Variants in GARIN2 observed in about 807,000 individuals in gnomAD.
GARIN2 encodes Golgi-associated RAB2 interactor protein 2.
At chr14:67,197,513 T>C in the GARIN2 span, among the ~76,000 whole-genome samples, 2 of 152,148 alleles carry the variant, frequency 1.3e-5, no homozygotes, top group African/African-American at 4.8e-5. Flanking sequence ...AGACTTAATA[T>C]ACTGAAGATG....
At chr14:67,204,890 C>A in the GARIN2 span, 1 of 1,613,962 alleles carries the variant, frequency 6.2e-7, no homozygotes, top group Non-Finnish European at 8.5e-7. Context: ...CCAGAATTCA[C>A]AGACATCACC....
At chr14:67,200,243 C>A in the GARIN2 span, 1 of 919,688 alleles carries the variant, frequency 1.1e-6, no homozygotes, top group Non-Finnish European at 1.6e-6. Flanking sequence ...CACCCTATGG[C>A]TACCAGCCTC....
At chr14:67,225,971 GCGCGTGCGCA>G in the GARIN2 span, among the ~76,000 whole-genome samples, 2 of 145,666 alleles carry the variant, frequency 1.4e-5, no homozygotes, top group African/African-American at 5.4e-5. Flanking sequence ...GTGCGCGCGC[GCGCGTGCGCA>G]TGCGCGTGCA....
chr14:67,214,881 C>T, the GARIN2 span, among the ~76,000 whole-genome samples: 7 of 152,212 alleles, frequency 4.6e-5, no homozygotes, highest in African/African-American at 1.4e-4. Context: ...AGGTCCTTCA[C>T]ATCCCTTGTA....
chr14:67,215,591 A>G, the GARIN2 span, among the ~76,000 whole-genome samples: 10 of 152,282 alleles, frequency 6.6e-5, no homozygotes, highest in African/African-American at 2.4e-4. Context: ...AGAAATAGGA[A>G]AGGGATACGG....
chr14:67,193,954 C>CAA, the GARIN2 span, among the ~76,000 whole-genome samples: 1 of 85,760 alleles, frequency 1.2e-5, no homozygotes, highest in Non-Finnish European at 2.5e-5. Flanking sequence ...CAAAAAAAAA[C>CAA]AAAAAAAAAA....
the GARIN2 span, chr14:67,189,847 T>TTC: frequency 3.5e-4 from 51 of 145,618 alleles, 1 homozygote; most frequent in African/African-American, 1.2e-3. Context: ...ATTTTTTTTT[T>TTC]TTTTTTTTTT....
At chr14:67,196,223 C>CTTTTTTTT in the GARIN2 span, among the ~76,000 whole-genome samples, 25 of 143,114 alleles carry the variant, frequency 1.7e-4, no homozygotes, top group Non-Finnish European at 2.9e-4. Flanking sequence ...TTCTTTCTTT[C>CTTTTTTTT]TTTTTTTTTT....
chr14:67,225,234 G>GT, the GARIN2 span: 1 of 1,523,302 alleles, frequency 6.6e-7, no homozygotes, highest in Non-Finnish European at 8.8e-7. Flanking sequence ...AAAAGACAAA[G>GT]TTGATGGAAA....
the GARIN2 span, chr14:67,201,414 G>A: frequency 6.6e-6 from 3 of 454,272 alleles, no homozygotes; most frequent in African/African-American, 2.0e-5. Context: ...CTCTCTTTTT[G>A]CTCTGTCACC....
At chr14:67,223,893 A>G in the GARIN2 span, 21 of 985,686 alleles carry the variant, frequency 2.1e-5, no homozygotes, top group Non-Finnish European at 2.5e-5. Flanking sequence ...GACTGGCTGA[A>G]TCTTAATACC....
At chr14:67,198,346 A>ATTGGAACTTAACTC in the GARIN2 span, 1 of 1,587,800 alleles carries the variant, frequency 6.3e-7, no homozygotes, top group Non-Finnish European at 8.6e-7. Context: ...GGCCTGAGTT[A>ATTGGAACTTAACTC]AGTTCCAATA....
At chr14:67,225,962 T>TGTGTGC in the GARIN2 span, among the ~76,000 whole-genome samples, 2,448 of 113,366 alleles carry the variant, frequency 0.022, 47 homozygotes, top group Admixed American at 0.047. Flanking sequence ...TGTGTGTGTG[T>TGTGTGC]GCGCGCGCGC....
the GARIN2 span, among the ~76,000 whole-genome samples, chr14:67,190,486 G>A: frequency 3.3e-5 from 5 of 151,818 alleles, no homozygotes; most frequent in Admixed American, 3.3e-4. Context: ...GCCTCCCAAA[G>A]TTCTGGGATT....
At chr14:67,217,888 T>A in the GARIN2 span, among the ~76,000 whole-genome samples, 1 of 152,202 alleles carries the variant, frequency 6.6e-6, no homozygotes, top group Non-Finnish European at 1.5e-5. Context: ...GTTCTGTGCA[T>A]CTAATGGAAA....
the GARIN2 span, among the ~76,000 whole-genome samples, chr14:67,197,899 T>G: frequency 1.2e-4 from 19 of 152,160 alleles, no homozygotes; most frequent in African/African-American, 3.9e-4. Flanking sequence ...TCATCCAACA[T>G]CTTGTCTGAG....
the GARIN2 span, chr14:67,199,318 G>A: frequency 1.9e-6 from 3 of 1,611,736 alleles, no homozygotes; most frequent in Admixed American, 1.7e-5. Flanking sequence ...CAATACGGGT[G>A]AACAAGGCAT....
At chr14:67,189,507 G>A in the GARIN2 span, 3 of 152,274 alleles carry the variant, frequency 2.0e-5, no homozygotes, top group East Asian at 5.8e-4. Flanking sequence ...GTGCTATTTG[G>A]AGGTTATTTT....
the GARIN2 span, chr14:67,198,008 G>A: frequency 8.9e-6 from 7 of 785,716 alleles, no homozygotes; most frequent in Non-Finnish European, 1.4e-5. Context: ...ATTAATACAA[G>A]TGCCTGGTGC....
Sources: gnomAD v4.1 joint callset for allele counts (sites outside exome capture counted in the v4.1 genomes callset) on GRCh38, gnomAD v4.1.1 for gene constraint, MANE v1.5 for transcripts, NCBI Gene and HGNC (gene_info 2026-07-23, HGNC 2026-07-21) for gene names.